DLGAP1: variants seen among roughly 807,000 people sequenced by gnomAD.
DLGAP1 encodes the protein DLG associated protein 1.
Under a neutral mutation model 90.8 loss-of-function variants are expected in DLGAP1, and 11 were observed. That is an observed-to-expected ratio of 0.12 (90% CI 0.08 to 0.20). The LOEUF is 0.20. Ranked by LOEUF, DLGAP1 falls within the 10% of genes least tolerant of loss-of-function variation. DLGAP1 has a pLI of 1.00. For missense variants in DLGAP1, 1,050 were observed against 1,333.8 expected (o/e 0.79, Z 3.31); for synonymous variants, 558 against 540.7 (o/e 1.03, Z -0.44).
rs183891465 is a variant in DLGAP1, at chr18:4,275,122, A to G, written c.-266-123835T>C. ...CTGTACTTACTAGTAATGAGAGAGT[A>G]TCAAAATGCATTTAAAAATCATATA... On this transcript the variant is annotated intron_variant, in intron 1 of 12. Coordinates refer to ENST00000315677, the MANE Select transcript of DLGAP1 (RefSeq NM_004746.4). Among the ~76,000 whole-genome samples, 346 of 152,310 alleles carry G rather than the reference A, an allele frequency of 2.3e-3. 1 individual carries two copies. The highest frequency in any genetic ancestry group is 3.3e-3 in the Non-Finnish European group (223 of 68,036).
chr18:4,091,807 C>G (rs957958071), intron 2 of DLGAP1, among the ~76,000 whole-genome samples: 2 of 152,122 alleles, frequency 1.3e-5, no homozygotes, highest in African/African-American at 4.8e-5. Context: ...ACATATTAAA[C>G]ATGGTCATTT....
chr18:4,193,835 T>C (rs2077444619), intron 1 of DLGAP1, among the ~76,000 whole-genome samples: 1 of 152,148 alleles, frequency 6.6e-6, no homozygotes, highest in Non-Finnish European at 1.5e-5. Flanking sequence ...CCCAGTGAAC[T>C]TGGTAACACT....
intron 4 of DLGAP1, among the ~76,000 whole-genome samples, chr18:3,840,443 C>A (rs2068651571): frequency 6.6e-6 from 1 of 152,176 alleles, no homozygotes; most frequent in African/African-American, 2.4e-5. Context: ...AGCAAAGCAT[C>A]TTCAAATCTC....
At chr18:4,344,047 T>A (rs2081257498) in intron 1 of DLGAP1, among the ~76,000 whole-genome samples, 2 of 152,228 alleles carry the variant, frequency 1.3e-5, no homozygotes, top group African/African-American at 4.8e-5. Context: ...TTTGAATGTA[T>A]GAATATTTTA....
chr18:3,937,178 C>T lies in DLGAP1; in HGVS notation c.-72-57038G>A, dbSNP rs374578756. Reference sequence around the variant, plus strand: ...TCAAGCTACTACATTGCATTTAATGCAATTCCTGCTTGCATAACATGATAA... The same window carrying T: ...TCAAGCTACTACATTGCATTTAATGTAATTCCTGCTTGCATAACATGATAA... On this transcript the variant is annotated intron_variant, in intron 3 of 12. Coordinates refer to ENST00000315677, the MANE Select transcript of DLGAP1 (RefSeq NM_004746.4). Among the ~76,000 whole-genome samples, 155 of 152,306 alleles carry T rather than the reference C, an allele frequency of 1.0e-3. 3 individuals carry two copies. Among genetic ancestry groups the T allele is most frequent in the South Asian group, 9.3e-3 (45 of 4,818 alleles).
intron 4 of DLGAP1, among the ~76,000 whole-genome samples, chr18:3,858,499 T>C (rs2069804049): frequency 2.7e-5 from 4 of 149,256 alleles, no homozygotes; most frequent in South Asian, 2.1e-4. Context: ...TACGTGTATA[T>C]ATACATATAT....
intron 4 of DLGAP1, among the ~76,000 whole-genome samples, chr18:3,857,360 T>C (rs1056497771): frequency 6.6e-6 from 1 of 152,210 alleles, no homozygotes; most frequent in Non-Finnish European, 1.5e-5. Context: ...TAGAAATGAA[T>C]ATTCTAGCCA....
rs2055552071 is a variant in DLGAP1 at position 3,581,977 on chromosome 18, GTTATT to G, written c.1858_1862del (p.Asn620HisfsTer24). 1 of 1,613,938 alleles carries G rather than the reference GTTATT, an allele frequency of 6.2e-7. No individual in the cohort carries two copies. The highest frequency in any genetic ancestry group is 1.7e-5 in the Admixed American group (1 of 59,978). ...TAGTCGTGGTGGTGACGGTGGCAGTGTTATTGCCCATGTGTTGACTGGCAGGGCCA... is the reference window on the plus strand; with the variant it reads ...TAGTCGTGGTGGTGACGGTGGCAGTGGCCCATGTGTTGACTGGCAGGGCCA... On this transcript the variant is annotated frameshift_variant, in exon 8 of 13. Transcript: ENST00000315677. LOFTEE classifies it high-confidence loss of function.
intron 3 of DLGAP1, among the ~76,000 whole-genome samples, chr18:3,913,428 T>C (rs963460363): frequency 2.0e-5 from 3 of 152,194 alleles, no homozygotes; most frequent in African/African-American, 7.2e-5. Flanking sequence ...GAAGCTGTTA[T>C]GGAACTACAG....
At chr18:3,987,734 A>C (rs1005959564) in intron 3 of DLGAP1, among the ~76,000 whole-genome samples, 1 of 152,184 alleles carries the variant, frequency 6.6e-6, no homozygotes, top group African/African-American at 2.4e-5. Context: ...TGTCTTTCTT[A>C]TATGCTCCAA....
At chr18:3,949,990 C>T (rs2072952476) in intron 3 of DLGAP1, among the ~76,000 whole-genome samples, 1 of 152,128 alleles carries the variant, frequency 6.6e-6, no homozygotes, top group Admixed American at 6.5e-5. Flanking sequence ...ATAGATGCAG[C>T]CTTTTAACAA....
intron 5 of DLGAP1, among the ~76,000 whole-genome samples, chr18:3,779,166 C>T (rs531547205): frequency 1.1e-4 from 16 of 152,274 alleles, no homozygotes; most frequent in African/African-American, 3.8e-4. Context: ...GTAGAGTTCT[C>T]CTGTCCTGTC....
intron 7 of DLGAP1, among the ~76,000 whole-genome samples, chr18:3,596,418 C>T (rs1024444498): frequency 6.6e-6 from 1 of 152,106 alleles, no homozygotes; most frequent in Non-Finnish European, 1.5e-5. Flanking sequence ...CCTCGGCCTC[C>T]CAAAGTGCTG....
At chr18:4,140,231 GTTA>G (rs2076473994) in intron 2 of DLGAP1, among the ~76,000 whole-genome samples, 1 of 151,616 alleles carries the variant, frequency 6.6e-6, no homozygotes, top group South Asian at 2.1e-4. Flanking sequence ...TTTCTCTGGT[GTTA>G]TTTTTTATTT....
chr18:3,591,792 A>G (rs1164083129), intron 7 of DLGAP1, among the ~76,000 whole-genome samples: 2 of 152,164 alleles, frequency 1.3e-5, no homozygotes, highest in African/African-American at 4.8e-5. Context: ...TCTTGCTTAG[A>G]GGATAGCATG....
chr18:3,803,560 G>A (rs547790791), intron 5 of DLGAP1, among the ~76,000 whole-genome samples: 1 of 152,308 alleles, frequency 6.6e-6, no homozygotes, highest in South Asian at 2.1e-4. Flanking sequence ...GGAAAGAGGT[G>A]TGGTCCAAAG....
chr18:3,595,800 G>A (rs991262355), intron 7 of DLGAP1, among the ~76,000 whole-genome samples: 2 of 28,466 alleles, frequency 7.0e-5, no homozygotes, highest in African/African-American at 2.0e-4. Context: ...TGACTGCCCT[G>A]TTACATCTGT....
chr18:4,278,251 A>T (rs2079462710), intron 1 of DLGAP1, among the ~76,000 whole-genome samples: 1 of 152,092 alleles, frequency 6.6e-6, no homozygotes, highest in Non-Finnish European at 1.5e-5. Context: ...ATGGTCTTTT[A>T]TTTTTAAAGG....
chr18:3,599,037 G>C (rs188181880), intron 7 of DLGAP1, among the ~76,000 whole-genome samples: 199 of 152,320 alleles, frequency 1.3e-3, no homozygotes, highest in African/African-American at 4.5e-3. Context: ...GCCTCCCAAA[G>C]TGCTGGGATT....
Sources: gnomAD v4.1 joint callset for allele counts (sites outside exome capture counted in the v4.1 genomes callset) on GRCh38, gnomAD v4.1.1 for gene constraint, MANE v1.5 for transcripts, NCBI Gene and HGNC (gene_info 2026-07-23, HGNC 2026-07-21) for gene names.